PCLO: variants seen among roughly 807,000 people sequenced by gnomAD.
PCLO encodes piccolo presynaptic cytomatrix protein, also known as protein piccolo.
PCLO carries 82 observed loss-of-function variants against 427.5 expected under a neutral mutation model. The observed-to-expected ratio is 0.19, with a 90% CI of 0.16 to 0.23. PCLO has a LOEUF of 0.23. Ranked by LOEUF, PCLO falls within the 10% of genes least tolerant of loss-of-function variation. The probability of loss-of-function intolerance (pLI) is 1.00; values close to 1 mark genes in which losing one functional copy is unlikely to be tolerated. For missense variants in PCLO, 6,239 were observed against 6,115.9 expected (o/e 1.02, Z -0.67); for synonymous variants, 2,357 against 2,155.4 (o/e 1.09, Z -2.59).
intron 16 of PCLO, among the ~76,000 whole-genome samples, chr7:82,830,604 GACTT>G (rs141382928): frequency 2.6e-5 from 4 of 151,940 alleles, no homozygotes; most frequent in Non-Finnish European, 5.9e-5. Flanking sequence ...CTCTGTTTTG[GACTT>G]ACTTATCAAG....
intron 7 of PCLO, among the ~76,000 whole-genome samples, chr7:82,912,650 A>G (rs1350023637): frequency 6.6e-6 from 1 of 152,042 alleles, no homozygotes; most frequent in African/African-American, 2.4e-5. Context: ...GCTGCATGGT[A>G]TCTCATCCTC....
chr7:82,835,789 T>C, intron 15 of PCLO, 96 bp from the exon 16 acceptor site: 2 of 932,642 alleles, frequency 2.1e-6, no homozygotes, highest in South Asian at 2.9e-5. Context: ...AAAGAAAACA[T>C]GAAAATAATA....
At chr7:82,799,631 C>T (rs1477879858) in intron 22 of PCLO, among the ~76,000 whole-genome samples, 1 of 152,136 alleles carries the variant, frequency 6.6e-6, no homozygotes, top group Admixed American at 6.5e-5. Flanking sequence ...TTCCAGACCT[C>T]TCCGTCAACT....
In PCLO at chr7:82,929,172, TG is replaced by T. The variant is rs1294861783; in HGVS notation, c.11113-12300del. The stretch of plus-strand genomic sequence containing the variant: ...GCCTTTATATAATGACATTATTTAA[TG>T]GGGGATAATAAATTATTTCAACAGT... On this transcript the variant is annotated intron_variant, in intron 6 of 24. Transcript: ENST00000333891. Among the ~76,000 whole-genome samples, 5 of 152,226 alleles carry T rather than the reference TG, an allele frequency of 3.3e-5. No individual in the cohort carries two copies. In the East Asian group the frequency reaches 5.8e-4, roughly 18 times the overall value.
chr7:82,916,392 C>T lies in PCLO; in HGVS notation c.11594G>A (p.Ser3865Asn), dbSNP rs779464982. Residue 3865 changes from serine to asparagine, a missense_variant, in exon 7 of 25, where the codon AGC becomes AAC. This residue lies in a region of PCLO where 680 missense variants were observed against 677.3 expected (regional missense o/e 1.00). Coordinates refer to ENST00000333891, the MANE Select transcript of PCLO (RefSeq NM_033026.6). ...TTGGGTTTGTGGTGGTATAAACTGG[C>T]TGAATTCAGTTTGGGGAGCAGTTCT... ...RPRTAPQTEF[S>N]QFIPPQTQTE... The T allele has an allele frequency of 1.9e-6, 3 of 1,613,640 alleles. No homozygotes were observed. The highest frequency in any genetic ancestry group is 1.7e-5 in the Admixed American group (1 of 59,972).
At chr7:82,814,168 G>T (rs1374323455) in intron 20 of PCLO, among the ~76,000 whole-genome samples, 1 of 151,554 alleles carries the variant, frequency 6.6e-6, no homozygotes, top group Non-Finnish European at 1.5e-5. Flanking sequence ...AACAATTACG[G>T]ATGTGTAAAT....
In PCLO at chr7:82,758,528, G is replaced by A. The variant is rs764128307; in HGVS notation, c.*47C>T. On this transcript the variant is annotated 3_prime_UTR_variant, in exon 25 of 25. Transcript: ENST00000333891. ...AATAGTATTCAACTATAGTCTTGAT[G>A]TGAGGCTATTTAGAGCAGTTTCTAT... is the stretch of plus-strand genomic sequence containing the variant. The A allele has an allele frequency of 8.0e-5, 123 of 1,537,774 alleles. No homozygotes were observed. Among genetic ancestry groups the A allele is most frequent in the Non-Finnish European group, 8.6e-5 (97 of 1,129,186 alleles).
chr7:82,923,447 A>C (rs1794642994), intron 6 of PCLO, among the ~76,000 whole-genome samples: 1 of 152,098 alleles, frequency 6.6e-6, no homozygotes, highest in Non-Finnish European at 1.5e-5. Context: ...TTTCTTCTTT[A>C]ACTGATGGAA....
At chr7:82,844,712 C>CT (rs1173919426) in intron 13 of PCLO, among the ~76,000 whole-genome samples, 1 of 151,942 alleles carries the variant, frequency 6.6e-6, no homozygotes, top group Non-Finnish European at 1.5e-5. Context: ...TAATTTTATG[C>CT]TTTTTTAAAT....
intron 3 of PCLO, among the ~76,000 whole-genome samples, chr7:83,076,123 T>A (rs1041796072): frequency 4.0e-5 from 6 of 148,370 alleles, no homozygotes; most frequent in Non-Finnish European, 9.0e-5. Context: ...TTCTTGGATT[T>A]AAAAAAAAAA....
At chr7:83,072,792 A>C (rs1330276775) in intron 3 of PCLO, among the ~76,000 whole-genome samples, 1 of 152,018 alleles carries the variant, frequency 6.6e-6, no homozygotes, top group Non-Finnish European at 1.5e-5. Flanking sequence ...AGTCAAACTT[A>C]TTCAAACTAA....
intron 3 of PCLO, among the ~76,000 whole-genome samples, chr7:83,060,720 C>T (rs1371237713): frequency 6.6e-6 from 1 of 152,164 alleles, no homozygotes; most frequent in African/African-American, 2.4e-5. Flanking sequence ...GGTGGGGTGG[C>T]TACAGCCTGG....
At chr7:82,825,739 A>G (rs1449153540) in intron 18 of PCLO, among the ~76,000 whole-genome samples, 1 of 143,100 alleles carries the variant, frequency 7.0e-6, no homozygotes, top group African/African-American at 2.5e-5. Flanking sequence ...AGTATATATT[A>G]TACATTGTAT....
At chr7:83,093,472 G>GA (rs1790434167) in intron 3 of PCLO, among the ~76,000 whole-genome samples, 2 of 99,196 alleles carry the variant, frequency 2.0e-5, no homozygotes, top group African/African-American at 9.3e-5. Context: ...ATGTGTGTGT[G>GA]TATAGATATA....
rs768994351 is a variant in PCLO, at chr7:82,956,038, C to T, written c.4915G>A (p.Glu1639Lys). 5.0e-6 allele frequency: 8 copies of T among 1,613,076 alleles called. No homozygotes were observed. The highest frequency in any genetic ancestry group is 2.7e-5 in the African/African-American group (2 of 75,054). The change falls in exon 5 of 25, where the codon GAA becomes AAA. Residue 1639 changes from glutamate (E) to lysine (K), a missense_variant. Glu to Lys is a moderately conservative substitution (Grantham distance 56). Coordinates refer to ENST00000333891, the MANE Select transcript of PCLO (RefSeq NM_033026.6). ...WHDEDDEAFD[E>K]SPELKYRETK... ...TCTCTGTATTTAAGTTCAGGACTTT[C>T]ATCAAATGCTTCATCGTCTTCATCA...
chr7:82,778,985 A>G (rs1431117172), intron 22 of PCLO, among the ~76,000 whole-genome samples: 2 of 152,022 alleles, frequency 1.3e-5, no homozygotes, highest in African/African-American at 2.4e-5. Context: ...AGCAAACTTT[A>G]TTTTTGTTAT....
chr7:83,141,726 T>C (rs1584079554), intron 2 of PCLO, among the ~76,000 whole-genome samples: 2 of 152,320 alleles, frequency 1.3e-5, no homozygotes, highest in South Asian at 4.1e-4. Context: ...AAGTCTTTGA[T>C]AGATAATCAT....
Position 82,966,486 on chromosome 7 carries a change from A to T in PCLO, c.3302T>A (p.Ile1101Asn), listed in dbSNP as rs928553711. The T allele has an allele frequency of 2.6e-6, 4 of 1,544,784 alleles. No homozygotes were observed. Among genetic ancestry groups the T allele is most frequent in the Non-Finnish European group, 3.5e-6 (4 of 1,144,104 alleles). Residue 1101 changes from isoleucine to asparagine, a missense_variant and splice_region_variant, in exon 4 of 25, where the codon ATT becomes AAT. Around this residue, in one of 5 missense-constraint regions of PCLO, gnomAD observed 4,677 missense variants for 4,468.4 expected, o/e 1.05. Transcript: ENST00000333891. ...GCAATTTAAACAAAGCCATTCTTGA[A>T]TCTGTGGGAAAAAAATTACAATGAA... ...GFNPTPHLTE[I>N]QEWLCLNCQT...
intron 6 of PCLO, among the ~76,000 whole-genome samples, chr7:82,923,065 T>A (rs1160387576): frequency 6.6e-6 from 1 of 152,060 alleles, no homozygotes; most frequent in East Asian, 1.9e-4. Flanking sequence ...GATATTTTGA[T>A]ACATACTCCT....
Sources: allele counts gnomAD v4.1 joint callset (sites outside exome capture counted in the v4.1 genomes callset), GRCh38; gene constraint gnomAD v4.1.1; regional missense constraint gnomAD v4.1.1; transcripts MANE v1.5; gene names NCBI Gene and HGNC (gene_info 2026-07-23, HGNC 2026-07-21).